Variants in TTBK2 observed in about 807,000 individuals in gnomAD.
TTBK2 encodes the protein tau-tubulin kinase 2.
In TTBK2, 28 loss-of-function variants were observed where a neutral mutation model predicts 110.8. That is an observed-to-expected ratio of 0.25 (90% CI 0.19 to 0.35). TTBK2 has a LOEUF of 0.35. TTBK2 is among the 10% of genes least tolerant of loss of function. The pLI is 1.00. For synonymous variants in TTBK2, 532 were observed against 527.3 expected, an observed-to-expected ratio of 1.01 and a Z score of -0.12; for missense variants, 1,369 against 1,500.3, an observed-to-expected ratio of 0.91 and a Z score of 1.45.
chr15:42,778,332 G>A (rs1489748950), intron 11 of TTBK2, among the ~76,000 whole-genome samples: 2 of 149,956 alleles, frequency 1.3e-5, no homozygotes, highest in Non-Finnish European at 1.5e-5. Context: ...ATTAATTAGT[G>A]AAGTGGAAGA....
Position 42,830,068 on chromosome 15 carries a change from A to G in TTBK2, c.302T>C (p.Leu101Pro). 1 of 1,614,230 alleles carries G rather than the reference A, an allele frequency of 6.2e-7. No individual in the cohort carries two copies. Among genetic ancestry groups the G allele is most frequent in the Non-Finnish European group, 8.5e-7 (1 of 1,180,040 alleles). ...GGACTGGCTACGGCGAAGATCTGCC[A>G]GATTCCGACCCTATGGAAATCAAAT... ...YVVMQLQGRN[L>P]ADLRRSQSRG... Residue 101 changes from leucine to proline, a missense_variant, in exon 5 of 15, where the codon CTG (leucine) becomes CCG (proline). Around this residue, in one of 4 missense-constraint regions of TTBK2, gnomAD observed 122 missense variants for 159.7 expected, o/e 0.76. Transcript: ENST00000267890.
chr15:42,792,551 G>A lies in TTBK2; in HGVS notation c.980+2093C>T, dbSNP rs150949531. 7.2e-3 allele frequency among the ~76,000 whole-genome samples: 1,089 copies of A among 152,160 alleles called. 7 individuals carry two copies. The highest frequency in any genetic ancestry group is 0.025 in the African/African-American group (1,037 of 41,500). Reference sequence around the variant, plus strand: ...TATTTTCCTTATTAGCATGGGTTTAGTCTTTCTAGCACTGGTTTTATTTAT... The same window carrying A: ...TATTTTCCTTATTAGCATGGGTTTAATCTTTCTAGCACTGGTTTTATTTAT... On this transcript the variant is annotated intron_variant, in intron 10 of 14. Coordinates refer to ENST00000267890, the MANE Select transcript of TTBK2 (RefSeq NM_173500.4).
intron 9 of TTBK2, chr15:42,798,352 T>C: frequency 2.2e-6 from 1 of 454,610 alleles, no homozygotes; most frequent in Non-Finnish European, 4.4e-6. Context: ...GTCCCATATC[T>C]CTTCATTGGT....
chr15:42,820,441 T>C (rs1892242460), intron 6 of TTBK2, among the ~76,000 whole-genome samples: 1 of 152,216 alleles, frequency 6.6e-6, no homozygotes, highest in South Asian at 2.1e-4. Context: ...CTCTTGAAAC[T>C]TCCTCAATTG....
intron 3 of TTBK2, among the ~76,000 whole-genome samples, chr15:42,862,344 C>T (rs1244301626): frequency 6.6e-6 from 1 of 152,148 alleles, no homozygotes; most frequent in Non-Finnish European, 1.5e-5. Flanking sequence ...CAACAAAATA[C>T]TAGCAAACCA....
At position 42,815,949 on chromosome 15, in the gene TTBK2, TA is replaced by T. The variant is rs375184494; in HGVS notation, c.603+1082del. On this transcript the variant is annotated intron_variant, in intron 7 of 14. Transcript: ENST00000267890. ...ATTTAAAAATATATATATATATATT[TA>T]AAAAAAAAATATATATATATATATA... Among the ~76,000 whole-genome samples the T allele has an allele frequency of 7.5e-3, 278 of 37,158 alleles. 5 individuals are homozygous for T. The highest frequency in any genetic ancestry group is 0.017 in the Admixed American group (50 of 3,026). The allele number at this position is 37,158 out of a possible 152,430, so 24.4% of individuals were successfully genotyped here. A position where few individuals can be genotyped will look rare whatever the true frequency, so the allele number is the denominator to read the frequency against.
chr15:42,912,186 G>A (rs2030797187), intron 1 of TTBK2, among the ~76,000 whole-genome samples: 1 of 152,160 alleles, frequency 6.6e-6, no homozygotes, highest in Non-Finnish European at 1.5e-5. Context: ...GCTAGGAAGA[G>A]GACAGACATC....
At chr15:42,868,789 G>A (rs1162792164) in intron 3 of TTBK2, among the ~76,000 whole-genome samples, 2 of 151,928 alleles carry the variant, frequency 1.3e-5, no homozygotes, top group African/African-American at 4.8e-5. Flanking sequence ...TTGAGCCACA[G>A]GATCGAGGCT....
intron 9 of TTBK2, 118 bp from the exon 10 acceptor site, chr15:42,794,919 TG>T (rs1410795315): frequency 7.1e-7 from 1 of 1,409,352 alleles, no homozygotes; most frequent in Non-Finnish European, 9.8e-7. Flanking sequence ...CTTTAAAAAC[TG>T]ATGGCTCAAA....
intron 13 of TTBK2, among the ~76,000 whole-genome samples, chr15:42,766,416 C>G (rs183050940): frequency 9.1e-6 from 1 of 110,044 alleles, no homozygotes; most frequent in Non-Finnish European, 1.7e-5. Flanking sequence ...AATAAAGGGA[C>G]GAAGGAAGAT....
chr15:42,847,997 C>T (rs1217227801), intron 3 of TTBK2, among the ~76,000 whole-genome samples: 2 of 152,126 alleles, frequency 1.3e-5, no homozygotes, highest in African/African-American at 4.8e-5. Context: ...CAGACATGTA[C>T]AACCATGTTG....
At chr15:42,869,703 T>C (rs1894536103) in intron 3 of TTBK2, among the ~76,000 whole-genome samples, 1 of 152,090 alleles carries the variant, frequency 6.6e-6, no homozygotes, top group African/African-American at 2.4e-5. Context: ...GAGATGTATC[T>C]CTGAAAAATG....
intron 3 of TTBK2, among the ~76,000 whole-genome samples, chr15:42,868,439 G>C (rs925160699): frequency 6.6e-6 from 1 of 152,118 alleles, no homozygotes; most frequent in Non-Finnish European, 1.5e-5. Context: ...GGGAGTACAT[G>C]CATGTGTGAG....
chr15:42,899,336 C>T (rs895342094), intron 1 of TTBK2, among the ~76,000 whole-genome samples: 38 of 151,958 alleles, frequency 2.5e-4, no homozygotes, highest in African/African-American at 8.9e-4. Context: ...TTTCTCACAC[C>T]TGTAATCCCA....
rs1472849836 is a variant in TTBK2, at chr15:42,878,701, A to G, written c.-67-17T>C. The G allele has an allele frequency of 1.2e-6, 2 of 1,609,130 alleles. No homozygotes were observed. Among genetic ancestry groups the G allele is most frequent in the Non-Finnish European group, 1.7e-6 (2 of 1,178,350 alleles). On this transcript the variant is annotated splice_polypyrimidine_tract_variant and intron_variant, in intron 1 of 14. Transcript: ENST00000267890. ...CCATTTAACCTAAAACAACAACAAC[A>G]AAAAATAGTAGCAGTATTTAGGGTT...
chr15:42,840,643 T>C, intron 3 of TTBK2: 1 of 645,098 alleles, frequency 1.6e-6, no homozygotes, highest in Non-Finnish European at 2.8e-6. Context: ...AATAAATGAC[T>C]ATTTGAATGA....
chr15:42,846,911 G>T (rs1046924560), intron 3 of TTBK2, among the ~76,000 whole-genome samples: 1 of 152,158 alleles, frequency 6.6e-6, no homozygotes, highest in Non-Finnish European at 1.5e-5. Flanking sequence ...AAGTGCTGGG[G>T]GGGTGGCCTA....
intron 1 of TTBK2, among the ~76,000 whole-genome samples, chr15:42,906,104 C>T (rs983396602): frequency 1.3e-5 from 2 of 152,090 alleles, no homozygotes; most frequent in African/African-American, 4.8e-5. Flanking sequence ...AGGAGAATCA[C>T]TTGAACCTGG....
intron 3 of TTBK2, among the ~76,000 whole-genome samples, chr15:42,846,907 T>TG (rs934534687): frequency 2.0e-5 from 3 of 152,204 alleles, no homozygotes; most frequent in African/African-American, 4.8e-5. Context: ...GTGGAAGTGC[T>TG]GGGGGGGTGG....
Sources: allele counts gnomAD v4.1 joint callset (sites outside exome capture counted in the v4.1 genomes callset), GRCh38; gene constraint gnomAD v4.1.1; regional missense constraint gnomAD v4.1.1; transcripts MANE v1.5; gene names NCBI Gene and HGNC (gene_info 2026-07-23, HGNC 2026-07-21).